Variants in TP63 observed in about 807,000 individuals in gnomAD.
TP63 encodes the protein tumor protein p63.
Under a neutral mutation model 82.8 loss-of-function variants are expected in TP63, and 17 were observed. That is an observed-to-expected ratio of 0.21 (90% confidence interval 0.14 to 0.31). The LOEUF is 0.31. Ranked by LOEUF, TP63 falls within the 10% of genes least tolerant of loss-of-function variation. The probability of loss-of-function intolerance (pLI) is 1.00; values close to 1 mark genes in which losing one functional copy is unlikely to be tolerated. For missense variants in TP63, 648 were observed against 895.3 expected (o/e 0.72, Z 3.52); for synonymous variants, 330 against 321.7 (o/e 1.03, Z -0.28).
At chr3:189,643,010 TATTC>T (rs760097915) in intron 1 of TP63, among the ~76,000 whole-genome samples, 1,506 of 41,612 alleles carry the variant, frequency 0.036, 13 homozygotes, top group East Asian at 0.15. Flanking sequence ...TTTATTTATT[TATTC>T]ATTTTAGATG....
At chr3:189,665,394 C>A (rs10937405) in intron 1 of TP63, among the ~76,000 whole-genome samples, 1 of 151,924 alleles carries the variant, frequency 6.6e-6, no homozygotes, top group African/African-American at 2.4e-5. Flanking sequence ...ATTATAATCT[C>A]GTGTTCAAAC....
chr3:189,751,987 T>A (rs1721857315), intron 3 of TP63, among the ~76,000 whole-genome samples: 1 of 152,160 alleles, frequency 6.6e-6, no homozygotes, highest in African/African-American at 2.4e-5. Flanking sequence ...ATGAAACCAT[T>A]TGGGCCTAAG....
intron 1 of TP63, among the ~76,000 whole-genome samples, chr3:189,717,783 T>A (rs1719072215): frequency 6.6e-6 from 1 of 152,202 alleles, no homozygotes; most frequent in Non-Finnish European, 1.5e-5. Flanking sequence ...GTTCTTTTTT[T>A]CTTTTAGCTT....
intron 4 of TP63, among the ~76,000 whole-genome samples, chr3:189,827,369 C>G (rs1711582500): frequency 6.6e-6 from 1 of 152,172 alleles, no homozygotes; most frequent in Admixed American, 6.5e-5. Context: ...CCAGCTCCCC[C>G]TTACAGACAC....
chr3:189,723,334 C>T lies in TP63; in HGVS notation c.63-14406C>T, dbSNP rs551311808. On this transcript the variant is annotated intron_variant, in intron 1 of 13. Transcript: ENST00000264731. ...TAGGAACCCAGAGTTACCATTCTCCCGGTTACCATGTGAGTTTGAGCATTT... is the reference window on the plus strand; with the variant it reads ...TAGGAACCCAGAGTTACCATTCTCCTGGTTACCATGTGAGTTTGAGCATTT... Among the ~76,000 whole-genome samples the T allele has an allele frequency of 2.6e-5, 4 of 152,268 alleles. No individual in the cohort carries two copies. The East Asian group carries it at 7.7e-4, about 29-fold the overall frequency.
At chr3:189,629,314 G>T (rs1729384308), upstream of TP63, among the ~76,000 whole-genome samples, 1 of 152,112 alleles carries the variant, frequency 6.6e-6, no homozygotes, top group Non-Finnish European at 1.5e-5. Flanking sequence ...AGCCCAGGAG[G>T]TTGAGGCTGC....
At chr3:189,816,523 TA>T (rs1728203476) in intron 4 of TP63, among the ~76,000 whole-genome samples, 1 of 152,130 alleles carries the variant, frequency 6.6e-6, no homozygotes, top group Admixed American at 6.6e-5. Flanking sequence ...ATATCGCGAG[TA>T]AAACCATATA....
intron 4 of TP63, among the ~76,000 whole-genome samples, chr3:189,854,714 C>G (rs111948609): frequency 0.046 from 6,999 of 152,234 alleles, 214 homozygotes; most frequent in South Asian, 0.11. Context: ...CTATATCTTG[C>G]TATGTTCATG....
chr3:189,656,101 T>C (rs1321452234), intron 1 of TP63, among the ~76,000 whole-genome samples: 8 of 152,162 alleles, frequency 5.3e-5, no homozygotes, highest in Admixed American at 5.2e-4. Context: ...AAATATTTAC[T>C]TTTTTTATCC....
chr3:189,873,343 A>C (rs552406137), intron 10 of TP63: 3 of 349,494 alleles, frequency 8.6e-6, no homozygotes, highest in South Asian at 7.9e-5. Flanking sequence ...TGAAAACATG[A>C]AATCTTTTCT....
intron 1 of TP63, among the ~76,000 whole-genome samples, chr3:189,710,891 G>A (rs1718547368): frequency 6.6e-6 from 1 of 152,168 alleles, no homozygotes; most frequent in East Asian, 1.9e-4. Context: ...ATGCAGAGCA[G>A]GGGGAATTCC....
intron 3 of TP63, 80 bp downstream of exon 3, chr3:189,738,854 T>C (rs1720783265): frequency 1.3e-6 from 2 of 1,574,636 alleles, no homozygotes; most frequent in Non-Finnish European, 1.7e-6. Flanking sequence ...CAGTCATGTG[T>C]GAAAAGGCAG....
chr3:189,675,571 C>T (rs557736758), intron 1 of TP63, among the ~76,000 whole-genome samples: 1 of 152,164 alleles, frequency 6.6e-6, no homozygotes, highest in African/African-American at 2.4e-5. Context: ...TAAATATTCC[C>T]CATATTCCCA....
the TP63 span, among the ~76,000 whole-genome samples, chr3:189,619,282 G>A: frequency 3.8e-4 from 58 of 152,302 alleles, no homozygotes; most frequent in Middle Eastern, 3.4e-3. Flanking sequence ...TAATGCCTCT[G>A]CGATGTCTTT....
At chr3:189,869,572 A>G (rs1201986564) in intron 9 of TP63, among the ~76,000 whole-genome samples, 166 bp downstream of exon 9, 1 of 152,180 alleles carries the variant, frequency 6.6e-6, no homozygotes, top group Non-Finnish European at 1.5e-5. Context: ...TATAAACAAC[A>G]GAAGTTTATT....
chr3:189,602,761 G>A, the TP63 span, among the ~76,000 whole-genome samples: 1 of 152,058 alleles, frequency 6.6e-6, no homozygotes. Context: ...CACAAATTCT[G>A]GATTGTGCTG....
chr3:189,725,668 G>A (rs545771391), intron 1 of TP63, among the ~76,000 whole-genome samples: 5 of 152,076 alleles, frequency 3.3e-5, no homozygotes, highest in East Asian at 3.9e-4. Flanking sequence ...ATCCTGCTTC[G>A]GAATGTGAGT....
At chr3:189,615,742 G>A in the TP63 span, among the ~76,000 whole-genome samples, 11 of 152,054 alleles carry the variant, frequency 7.2e-5, no homozygotes, top group East Asian at 2.1e-3. Flanking sequence ...GTTACCTCAG[G>A]CCATTTCTCC....
intron 3 of TP63, among the ~76,000 whole-genome samples, chr3:189,803,841 A>G (rs1460096443): frequency 1.3e-5 from 2 of 152,248 alleles, no homozygotes; most frequent in Admixed American, 1.3e-4. Context: ...CACAGTAGAT[A>G]TCACAGAAGT....
Sources: allele counts gnomAD v4.1 joint callset (sites outside exome capture counted in the v4.1 genomes callset), GRCh38; gene constraint gnomAD v4.1.1; transcripts MANE v1.5; gene names NCBI Gene and HGNC (gene_info 2026-07-23, HGNC 2026-07-21).